The following FCHSD2 variants were observed in gnomAD, a reference collection of about 807,000 sequenced individuals.
FCHSD2 encodes FCH and double SH3 domains 2.
In FCHSD2, 38 loss-of-function variants were observed where a neutral mutation model predicts 108.1. The observed-to-expected ratio is 0.35, with a 90% CI of 0.27 to 0.46. The LOEUF (loss-of-function observed/expected upper bound fraction) is 0.46, where lower values mean the gene tolerates loss of function less well. Among genes scored for constraint, FCHSD2 ranks in the 20% least tolerant of loss-of-function variants. The probability of loss-of-function intolerance (pLI) is 1.00; values close to 1 mark genes in which losing one functional copy is unlikely to be tolerated. For synonymous variants in FCHSD2, 279 were observed against 314.7 expected (o/e 0.89, Z 1.20); for missense variants, 751 against 897.8 (o/e 0.84, Z 2.09).
intron 8 of FCHSD2, among the ~76,000 whole-genome samples, chr11:72,982,744 C>T (rs1462314972): frequency 1.3e-5 from 2 of 152,200 alleles, no homozygotes; most frequent in African/African-American, 4.8e-5. Context: ...CTTCATATAG[C>T]TACTGAACAT....
intron 3 of FCHSD2, among the ~76,000 whole-genome samples, chr11:73,023,730 C>T (rs1016867483): frequency 1.3e-5 from 2 of 152,172 alleles, no homozygotes; most frequent in East Asian, 3.8e-4. Context: ...CTTCTGGCAG[C>T]TTTATTGATA....
At chr11:73,006,688 T>C (rs1021469484) in intron 4 of FCHSD2, among the ~76,000 whole-genome samples, 7 of 152,256 alleles carry the variant, frequency 4.6e-5, no homozygotes, top group Admixed American at 2.0e-4. Flanking sequence ...GTATTCTCCC[T>C]ACTATGCTTA....
At chr11:72,950,231 C>T (rs1856596853) in intron 8 of FCHSD2, among the ~76,000 whole-genome samples, 1 of 152,054 alleles carries the variant, frequency 6.6e-6, no homozygotes, top group Non-Finnish European at 1.5e-5. Flanking sequence ...TTTATATATT[C>T]TAAATATTAA....
intron 8 of FCHSD2, among the ~76,000 whole-genome samples, chr11:72,979,069 G>T (rs1373777672): frequency 6.6e-6 from 1 of 151,928 alleles, no homozygotes; most frequent in Non-Finnish European, 1.5e-5. Context: ...ATGTTGGCAG[G>T]CTGGTCTCAA....
At chr11:73,040,559 T>A (rs907385593) in intron 3 of FCHSD2, among the ~76,000 whole-genome samples, 2 of 152,192 alleles carry the variant, frequency 1.3e-5, no homozygotes, top group Non-Finnish European at 2.9e-5. Context: ...GTCAATAAGA[T>A]ATATAAAGAA....
At chr11:73,089,732 G>C (rs1859908890) in intron 2 of FCHSD2, among the ~76,000 whole-genome samples, 1 of 152,146 alleles carries the variant, frequency 6.6e-6, no homozygotes, top group Non-Finnish European at 1.5e-5. Flanking sequence ...TCTAGAATAA[G>C]CAAGTCCAGA....
chr11:72,961,856 C>A (rs1432184533), intron 8 of FCHSD2, among the ~76,000 whole-genome samples: 1 of 152,182 alleles, frequency 6.6e-6, no homozygotes, highest in Non-Finnish European at 1.5e-5. Flanking sequence ...ACTGTGACAA[C>A]AAACATGTCA....
chr11:73,124,428 A>G (rs1860806063), intron 2 of FCHSD2, among the ~76,000 whole-genome samples: 1 of 152,204 alleles, frequency 6.6e-6, no homozygotes, highest in African/African-American at 2.4e-5. Flanking sequence ...TTTTAAAAAA[A>G]GAAGAGAGAG....
chr11:73,026,913 T>C (rs988834973), intron 3 of FCHSD2, among the ~76,000 whole-genome samples: 4 of 152,130 alleles, frequency 2.6e-5, no homozygotes, highest in Non-Finnish European at 4.4e-5. Flanking sequence ...CCTTCTACCA[T>C]GATTTTAAGT....
At chr11:73,100,915 C>T (rs1005520550) in intron 2 of FCHSD2, among the ~76,000 whole-genome samples, 1 of 149,560 alleles carries the variant, frequency 6.7e-6, no homozygotes, top group Non-Finnish European at 1.5e-5. Context: ...AGAAATTTGG[C>T]TTCTGTCTGA....
At chr11:73,104,921 AT>A (rs1418272226) in intron 2 of FCHSD2, among the ~76,000 whole-genome samples, 1 of 152,230 alleles carries the variant, frequency 6.6e-6, no homozygotes, top group African/African-American at 2.4e-5. Context: ...ATTTTACAAT[AT>A]AGTTTTACAC....
chr11:73,073,579 T>C (rs1432013894), intron 3 of FCHSD2, among the ~76,000 whole-genome samples: 1 of 152,214 alleles, frequency 6.6e-6, no homozygotes, highest in East Asian at 1.9e-4. Flanking sequence ...ACAATATTTT[T>C]CTTTTAGGAT....
chr11:72,983,219 G>A (rs1005873605), intron 8 of FCHSD2, among the ~76,000 whole-genome samples: 14 of 151,146 alleles, frequency 9.3e-5, no homozygotes, highest in South Asian at 4.2e-4. Flanking sequence ...GCGTGAACCC[G>A]GGAGGCGGAG....
chr11:72,911,830 T>TCTCA (rs1177222691), intron 9 of FCHSD2, among the ~76,000 whole-genome samples: 1 of 152,124 alleles, frequency 6.6e-6, no homozygotes, highest in Non-Finnish European at 1.5e-5. Context: ...GATTCTCCTG[T>TCTCA]CTCAGCCTCC....
intron 2 of FCHSD2, among the ~76,000 whole-genome samples, chr11:73,131,726 A>G (rs1861008228): frequency 6.6e-6 from 1 of 151,942 alleles, no homozygotes; most frequent in Non-Finnish European, 1.5e-5. Context: ...AAATTAAAAA[A>G]TTTAAAAAAT....
intron 8 of FCHSD2, among the ~76,000 whole-genome samples, chr11:72,980,695 ATAATGT>A (rs1255925083): frequency 1.4e-5 from 2 of 143,664 alleles, no homozygotes; most frequent in East Asian, 2.0e-4. Flanking sequence ...ATATATATAT[ATAATGT>A]ATGTATGTAT....
chr11:73,015,380 A>G (rs1049294431), intron 4 of FCHSD2, among the ~76,000 whole-genome samples: 8 of 152,146 alleles, frequency 5.3e-5, no homozygotes, highest in African/African-American at 1.7e-4. Flanking sequence ...TTTCCCCCCT[A>G]GTCTCACAAA....
intron 2 of FCHSD2, among the ~76,000 whole-genome samples, chr11:73,130,099 C>T (rs1231964284): frequency 2.0e-5 from 3 of 152,072 alleles, no homozygotes; most frequent in Non-Finnish European, 2.9e-5. Flanking sequence ...TGGTCTCAAT[C>T]TCCTGATCTC....
chr11:72,872,867 A>G (rs1854890334), intron 12 of FCHSD2, among the ~76,000 whole-genome samples: 1 of 152,216 alleles, frequency 6.6e-6, no homozygotes, highest in Non-Finnish European at 1.5e-5. Context: ...GGGAAATACT[A>G]GACTGTTTTT....
Sources: allele counts gnomAD v4.1 joint callset (sites outside exome capture counted in the v4.1 genomes callset), GRCh38; gene constraint gnomAD v4.1.1; transcripts MANE v1.5; gene names NCBI Gene and HGNC (gene_info 2026-07-23, HGNC 2026-07-21).